Variants in PDE4D observed in about 807,000 individuals in gnomAD.
PDE4D encodes the protein 3',5'-cyclic-AMP phosphodiesterase 4D.
In PDE4D, 24 loss-of-function variants were observed where a neutral mutation model predicts 87.4. The ratio of observed to expected loss-of-function variants is 0.27; its 90% CI spans 0.20 to 0.39. The LOEUF (loss-of-function observed/expected upper bound fraction) is 0.39, where lower values mean the gene tolerates loss of function less well. PDE4D is among the 10% of genes least tolerant of loss of function. PDE4D has a pLI of 1.00. For missense variants in PDE4D, 714 were observed against 1,041.0 expected (o/e 0.69, Z 4.32); for synonymous variants, 384 against 383.2 (o/e 1.00, Z -0.02).
At chr5:60,420,426 A>T (rs950126052) in intron 1 of PDE4D, among the ~76,000 whole-genome samples, 3 of 152,214 alleles carry the variant, frequency 2.0e-5, no homozygotes, top group Admixed American at 2.0e-4. Flanking sequence ...CCATGCTTAA[A>T]CATGTTCAAC....
intron 5 of PDE4D, among the ~76,000 whole-genome samples, chr5:59,068,695 G>A (rs1191063296): frequency 1.3e-5 from 2 of 152,128 alleles, no homozygotes; most frequent in Non-Finnish European, 2.9e-5. Context: ...TAATCAATAG[G>A]TAATGTAGTT....
At chr5:59,555,223 T>C (rs556619036) in intron 1 of PDE4D, among the ~76,000 whole-genome samples, 1 of 152,264 alleles carries the variant, frequency 6.6e-6, no homozygotes, top group Admixed American at 6.5e-5. Flanking sequence ...CTAGAGGCAT[T>C]ATCCTTAGCA....
chr5:59,630,599 TTGGCAAAAA>T (rs1831443250), intron 1 of PDE4D, among the ~76,000 whole-genome samples: 3 of 152,216 alleles, frequency 2.0e-5, no homozygotes, highest in Non-Finnish European at 4.4e-5. Context: ...AACACTTCAA[TTGGCAAAAA>T]TGTTTGCCCA....
chr5:59,053,835 G>C (rs1431200122), intron 5 of PDE4D, among the ~76,000 whole-genome samples: 1 of 151,386 alleles, frequency 6.6e-6, no homozygotes, highest in Non-Finnish European at 1.5e-5. Flanking sequence ...AGACTCACTT[G>C]AACCTGGGAG....
chr5:60,344,919 G>A (rs1758614744), intron 1 of PDE4D, among the ~76,000 whole-genome samples: 1 of 151,984 alleles, frequency 6.6e-6, no homozygotes, highest in African/African-American at 2.4e-5. Context: ...TGGAAAAAGT[G>A]AAAATACGAA....
chr5:59,607,086 G>C (rs958217400), intron 1 of PDE4D, among the ~76,000 whole-genome samples: 1 of 152,112 alleles, frequency 6.6e-6, no homozygotes, highest in East Asian at 1.9e-4. Context: ...CTTTACTGAC[G>C]TTCTGCTTAT....
At chr5:59,844,672 T>C (rs1743549430) in intron 1 of PDE4D, among the ~76,000 whole-genome samples, 1 of 152,060 alleles carries the variant, frequency 6.6e-6, no homozygotes, top group Non-Finnish European at 1.5e-5. Flanking sequence ...GCCCCCAAGA[T>C]TCTATCCTCT....
intron 1 of PDE4D, among the ~76,000 whole-genome samples, chr5:59,362,548 G>A (rs1026782761): frequency 2.0e-5 from 3 of 152,068 alleles, no homozygotes; most frequent in Non-Finnish European, 4.4e-5. Context: ...CAAAAATTAG[G>A]TGATAGAATT....
chr5:59,483,478 G>A (rs941823140), intron 1 of PDE4D, among the ~76,000 whole-genome samples: 5 of 152,074 alleles, frequency 3.3e-5, no homozygotes, highest in Non-Finnish European at 7.4e-5. Context: ...CCTGCCCAGG[G>A]CAAGGAGACT....
At chr5:59,404,235 C>T (rs1199683925) in intron 1 of PDE4D, among the ~76,000 whole-genome samples, 1 of 152,176 alleles carries the variant, frequency 6.6e-6, no homozygotes, top group Non-Finnish European at 1.5e-5. Flanking sequence ...CTAATATTTT[C>T]TCCCATTCTG....
rs372198514 is a variant in PDE4D, at chr5:60,340,646, C to T, written c.-90+147296G>A. Among the ~76,000 whole-genome samples, 11 of 149,128 alleles carry T rather than the reference C, an allele frequency of 7.4e-5. 1 individual carries two copies. Among genetic ancestry groups the T allele is most frequent in the African/African-American group, 2.2e-4 (9 of 40,772 alleles). On this transcript the variant is annotated intron_variant, in intron 1 of 16. Coordinates refer to the PDE4D transcript ENST00000502484. ...AAAAAACCACAAGTACTCTCATTTG[C>T]GGCCAAGTTCAGGCCTTAAATAAAA...
At chr5:59,307,390 C>T (rs1326804735) in intron 1 of PDE4D, among the ~76,000 whole-genome samples, 2 of 150,906 alleles carry the variant, frequency 1.3e-5, no homozygotes, top group Admixed American at 6.6e-5. Flanking sequence ...AGCTTCTGCA[C>T]AGCAAAAGAA....
chr5:60,510,809 G>A (rs1750537417), intron 1 of PDE4D, among the ~76,000 whole-genome samples: 1 of 152,190 alleles, frequency 6.6e-6, no homozygotes, highest in Admixed American at 6.5e-5. Flanking sequence ...AAGTGGTAAG[G>A]CAGCTACTGT....
At chr5:59,228,564 A>T (rs1429817292) in intron 1 of PDE4D, among the ~76,000 whole-genome samples, 2 of 152,110 alleles carry the variant, frequency 1.3e-5, no homozygotes, top group African/African-American at 2.4e-5. Context: ...ACTTTGAAAC[A>T]TTGATATTTT....
chr5:59,123,828 A>C (rs951130756), intron 5 of PDE4D, among the ~76,000 whole-genome samples: 1 of 152,198 alleles, frequency 6.6e-6, no homozygotes, highest in African/African-American at 2.4e-5. Context: ...AAGTCTGTGA[A>C]AGTGAGAAAG....
rs546440518 is a variant in PDE4D, at chr5:60,023,552, C to T, written c.43-34835G>A. Among the ~76,000 whole-genome samples, 4 of 152,244 alleles carry T rather than the reference C, an allele frequency of 2.6e-5. No homozygotes were observed. The South Asian group carries it at 8.3e-4, about 32-fold the overall frequency. ...CTTCCTGCTTCACATGCATCAATCA[C>T]CCTGATGCTCCTAGTTTTCCCCTTT... On this transcript the variant is annotated intron_variant, in intron 2 of 16. Coordinates refer to the PDE4D transcript ENST00000502484.
intron 2 of PDE4D, among the ~76,000 whole-genome samples, chr5:60,052,061 C>T (rs1253214171): frequency 1.3e-5 from 2 of 152,146 alleles, no homozygotes; most frequent in African/African-American, 4.8e-5. Flanking sequence ...GCTTACCAAT[C>T]ATAAAAGGCC....
chr5:59,406,500 C>T (rs1251209519), intron 1 of PDE4D, among the ~76,000 whole-genome samples: 1 of 148,886 alleles, frequency 6.7e-6, no homozygotes, highest in Middle Eastern at 3.3e-3. Flanking sequence ...AAGCAATTCT[C>T]CTGCCTCAGC....
chr5:60,496,343 T>C (rs990203346), intron 1 of PDE4D, among the ~76,000 whole-genome samples: 2 of 152,196 alleles, frequency 1.3e-5, no homozygotes, highest in Admixed American at 6.5e-5. Flanking sequence ...GAATGAAATA[T>C]TATTTTAGGC....
Sources: gnomAD v4.1 joint callset for allele counts (sites outside exome capture counted in the v4.1 genomes callset) on GRCh38, gnomAD v4.1.1 for gene constraint, MANE v1.5 for transcripts, NCBI Gene and HGNC (gene_info 2026-07-23, HGNC 2026-07-21) for gene names.